The following TEX14 variants were observed in gnomAD, a reference collection of about 807,000 sequenced individuals.
The protein encoded by TEX14 is testis expressed 14, intercellular bridge forming factor, also known as inactive serine/threonine-protein kinase TEX14.
In TEX14, 168 loss-of-function variants were observed where a neutral mutation model predicts 178.6. That is an observed-to-expected ratio of 0.94 (90% CI 0.83 to 1.07). The LOEUF is 1.07. Among genes scored for constraint, TEX14 ranks in the 50% least tolerant of loss-of-function variants. TEX14 has a pLI of 0.00. For missense variants in TEX14, 1,730 were observed against 1,753.6 expected (o/e 0.99, Z 0.24); for synonymous variants, 626 against 634.1 (o/e 0.99, Z 0.19).
At chr17:58,651,212 A>C (rs531192801) in intron 2 of TEX14, among the ~76,000 whole-genome samples, 2 of 152,328 alleles carry the variant, frequency 1.3e-5, no homozygotes, top group South Asian at 4.1e-4. Context: ...GTGGAGGTTG[A>C]GGCTGCAGTG....
At chr17:58,663,108 CAA>C (rs113078995) in intron 1 of TEX14, among the ~76,000 whole-genome samples, 19 of 76,822 alleles carry the variant, frequency 2.5e-4, no homozygotes, top group Admixed American at 3.0e-4. Flanking sequence ...GACTCCGTCT[CAA>C]AAAAAAAAAA....
chr17:58,674,023 T>G (rs1598434013), intron 1 of TEX14, among the ~76,000 whole-genome samples: 1 of 152,150 alleles, frequency 6.6e-6, no homozygotes. Flanking sequence ...CCTGTAATCC[T>G]GGCACTTTGG....
chr17:58,635,722 G>T (rs775261684), intron 2 of TEX14, among the ~76,000 whole-genome samples: 2 of 151,574 alleles, frequency 1.3e-5, no homozygotes, highest in African/African-American at 2.4e-5. Flanking sequence ...GAGCCACTGC[G>T]CCCAGCCCAC....
rs150671979 is a variant in TEX14 at position 58,621,480 on chromosome 17, T to C, written c.554+170A>G. 4.5e-3 allele frequency among the ~76,000 whole-genome samples: 691 copies of C among 152,324 alleles called. 4 individuals carry two copies. The highest frequency in any genetic ancestry group is 5.6e-3 in the Non-Finnish European group (384 of 68,026). Reference sequence around the variant, plus strand: ...AGAGAGAGGGCGAAAGGTGATCCTCTGGCCTTCCTTCATCAAGGCCAAGCC... The same window carrying C: ...AGAGAGAGGGCGAAAGGTGATCCTCCGGCCTTCCTTCATCAAGGCCAAGCC... On this transcript the variant is annotated intron_variant, in intron 5 of 31. Coordinates refer to ENST00000349033, the MANE Select transcript of TEX14 (RefSeq NM_031272.5).
intron 24 of TEX14, among the ~76,000 whole-genome samples, chr17:58,571,491 G>T (rs2044527956): frequency 6.6e-6 from 1 of 151,918 alleles, no homozygotes; most frequent in African/African-American, 2.4e-5. Context: ...GCCCGCCTCG[G>T]TCTCCCAAAG....
chr17:58,608,395 C>G (rs1199033989), intron 10 of TEX14, among the ~76,000 whole-genome samples: 1 of 148,052 alleles, frequency 6.8e-6, no homozygotes, highest in East Asian at 2.0e-4. Flanking sequence ...CCAGCCTGGG[C>G]AACAGAGCGA....
At chr17:58,620,070 T>C (rs1282583423) in intron 5 of TEX14, among the ~76,000 whole-genome samples, 1 of 152,134 alleles carries the variant, frequency 6.6e-6, no homozygotes, top group Non-Finnish European at 1.5e-5. Context: ...CTCTTGGAAT[T>C]CACAATTTAA....
At chr17:58,602,042 A>T in intron 12 of TEX14, 86 bp from the exon 13 acceptor site, 1 of 1,413,394 alleles carries the variant, frequency 7.1e-7, no homozygotes, top group Non-Finnish European at 9.8e-7. Context: ...AGTATCTGAT[A>T]AACTCCCTCT....
At chr17:58,650,060 T>A (rs934680890) in intron 2 of TEX14, among the ~76,000 whole-genome samples, 6 of 150,600 alleles carry the variant, frequency 4.0e-5, no homozygotes, top group African/African-American at 1.5e-4. Flanking sequence ...TTTTTGTTTT[T>A]GTTTTTGTTT....
chr17:58,621,291 CTCTT>C (rs1243064625), intron 5 of TEX14, among the ~76,000 whole-genome samples: 1 of 152,216 alleles, frequency 6.6e-6, no homozygotes, highest in East Asian at 1.9e-4. Context: ...TAAAGGAACA[CTCTT>C]TCTGTGGTTC....
At chr17:58,597,417 TA>T (rs1438442669) in intron 14 of TEX14, among the ~76,000 whole-genome samples, 6 of 151,418 alleles carry the variant, frequency 4.0e-5, no homozygotes, top group Non-Finnish European at 8.8e-5. Context: ...TAAAATAAAA[TA>T]AAAAATAAAA....
chr17:58,573,675 T>C (rs563011676), intron 22 of TEX14, among the ~76,000 whole-genome samples: 6 of 152,038 alleles, frequency 3.9e-5, no homozygotes, highest in Non-Finnish European at 8.8e-5. Context: ...TGTGCCACCA[T>C]GCCTGGCTAA....
chr17:58,563,758 CATAT>C (rs1373149035), intron 28 of TEX14, among the ~76,000 whole-genome samples: 17 of 120,340 alleles, frequency 1.4e-4, no homozygotes, highest in African/African-American at 5.3e-4. Context: ...TATATGTATA[CATAT>C]ATATAGATCA....
chr17:58,671,070 C>T (rs945770363), intron 1 of TEX14, among the ~76,000 whole-genome samples: 2 of 152,140 alleles, frequency 1.3e-5, no homozygotes, highest in Non-Finnish European at 2.9e-5. Flanking sequence ...TATTCTCTAT[C>T]TCTTTGAAAC....
At chr17:58,621,589 G>C in intron 5 of TEX14, 61 bp downstream of exon 5, 1 of 1,529,364 alleles carries the variant, frequency 6.5e-7, no homozygotes, top group Non-Finnish European at 8.9e-7. Context: ...CATGCTGCAG[G>C]GCTCCCACGA....
chr17:58,673,067 T>A (rs1250721021), intron 1 of TEX14, among the ~76,000 whole-genome samples: 5 of 151,956 alleles, frequency 3.3e-5, no homozygotes, highest in African/African-American at 9.7e-5. Flanking sequence ...TTAAAAAAAA[T>A]TTCTTACAAT....
Position 58,621,903 on chromosome 17 carries a change from A to G in TEX14, c.418-117T>C, listed in dbSNP as rs967581021. 24 of 1,173,288 alleles carry G rather than the reference A, an allele frequency of 2.0e-5. No homozygotes were observed. In the East Asian group the frequency reaches 6.1e-4, roughly 30 times the overall value. 72.7% of individuals were successfully genotyped at this position (1,173,288 alleles called of 1,614,324 possible). ...AGAGCCCCCAACAGAAAAACCTCTC[A>G]AAAGGAAAGGGCCCAGGTGATTTTC... On this transcript the variant is annotated intron_variant, in intron 4 of 31. Coordinates refer to ENST00000349033, the MANE Select transcript of TEX14 (RefSeq NM_031272.5).
rs148834831 is a variant in TEX14, at chr17:58,605,563, G to A, written c.1185-434C>T. ...TGCAATTCCTTACTATTCCACCCGG[G>A]CCCTCTCCACCACTTCATCTGGCAA... On this transcript the variant is annotated intron_variant, in intron 10 of 31. Coordinates refer to ENST00000349033, the MANE Select transcript of TEX14 (RefSeq NM_031272.5). Among the ~76,000 whole-genome samples the A allele has an allele frequency of 1.5e-3, 234 of 152,160 alleles. 1 individual carries two copies. The highest frequency in any genetic ancestry group is 5.4e-3 in the African/African-American group (225 of 41,494).
intron 10 of TEX14, among the ~76,000 whole-genome samples, chr17:58,605,480 C>T (rs975755856): frequency 6.6e-6 from 1 of 152,190 alleles, no homozygotes; most frequent in Non-Finnish European, 1.5e-5. Context: ...CTTTGAGTTC[C>T]TGGAAACCTA....
Sources: allele counts gnomAD v4.1 joint callset (sites outside exome capture counted in the v4.1 genomes callset), GRCh38; gene constraint gnomAD v4.1.1; transcripts MANE v1.5; gene names NCBI Gene and HGNC (gene_info 2026-07-23, HGNC 2026-07-21).